Variants in TAF4B observed in about 807,000 individuals in gnomAD.
The protein encoded by TAF4B is transcription initiation factor TFIID subunit 4B.
In TAF4B, 38 loss-of-function variants were observed where a neutral mutation model predicts 86.4. The ratio of observed to expected loss-of-function variants is 0.44; its 90% CI spans 0.34 to 0.58. The LOEUF is 0.58. TAF4B is among the 20% of genes least tolerant of loss of function. The pLI is 0.02. For synonymous variants in TAF4B, 388 were observed against 391.2 expected (o/e 0.99, Z 0.10); for missense variants, 988 against 1,027.6 (o/e 0.96, Z 0.53).
intron 5 of TAF4B, among the ~76,000 whole-genome samples, chr18:26,278,688 C>T (rs2056411950): frequency 6.6e-6 from 1 of 150,900 alleles, no homozygotes; most frequent in South Asian, 2.1e-4. Context: ...TTGCCATTGC[C>T]TTTCTTACCG....
chr18:26,361,885 G>A (rs1455333647), intron 14 of TAF4B, among the ~76,000 whole-genome samples: 2 of 152,074 alleles, frequency 1.3e-5, no homozygotes, highest in Non-Finnish European at 1.5e-5. Flanking sequence ...TATGATATGT[G>A]TAAATATTTT....
At chr18:26,368,410 G>A (rs1198726828) in intron 14 of TAF4B, among the ~76,000 whole-genome samples, 5 of 152,130 alleles carry the variant, frequency 3.3e-5, no homozygotes, top group Admixed American at 3.3e-4. Flanking sequence ...TGTTACAGGT[G>A]ATTCTTCACT....
chr18:26,278,526 T>C (rs1476778824), intron 5 of TAF4B, among the ~76,000 whole-genome samples: 2 of 152,092 alleles, frequency 1.3e-5, no homozygotes, highest in African/African-American at 4.8e-5. Flanking sequence ...CAAGCTAGTT[T>C]CCCAACTCCT....
intron 5 of TAF4B, 112 bp from the exon 6 acceptor site, chr18:26,281,859 T>G: frequency 1.4e-6 from 1 of 695,008 alleles, no homozygotes; most frequent in Non-Finnish European, 2.4e-6. Flanking sequence ...TATATTTAAT[T>G]GACTTTATCA....
chr18:26,313,265 T>G (rs1487080215), intron 9 of TAF4B, among the ~76,000 whole-genome samples: 3 of 152,196 alleles, frequency 2.0e-5, no homozygotes, highest in African/African-American at 7.2e-5. Flanking sequence ...GACTTTTCAT[T>G]TATGTTCACG....
intron 14 of TAF4B, among the ~76,000 whole-genome samples, chr18:26,372,065 C>G (rs1423729677): frequency 1.3e-5 from 2 of 152,062 alleles, no homozygotes; most frequent in African/African-American, 2.4e-5. Context: ...TGCCTCACAA[C>G]GGATCCTGAA....
chr18:26,361,198 C>T (rs759475102), intron 14 of TAF4B, among the ~76,000 whole-genome samples: 1 of 151,880 alleles, frequency 6.6e-6, no homozygotes, highest in African/African-American at 2.4e-5. Flanking sequence ...ACCCGGTAAA[C>T]AATTCTCCAT....
chr18:26,375,315 T>C (rs1490822002), intron 14 of TAF4B, among the ~76,000 whole-genome samples: 2 of 152,214 alleles, frequency 1.3e-5, no homozygotes, highest in Non-Finnish European at 2.9e-5. Flanking sequence ...ATTCATCAGC[T>C]GAAGGACATT....
intron 14 of TAF4B, among the ~76,000 whole-genome samples, chr18:26,358,243 T>G (rs970340099): frequency 6.6e-6 from 1 of 152,200 alleles, no homozygotes; most frequent in African/African-American, 2.4e-5. Context: ...TGGCATTGTT[T>G]CCTTGTATGA....
chr18:26,259,235 T>C (rs2056128951), intron 1 of TAF4B, among the ~76,000 whole-genome samples: 1 of 151,888 alleles, frequency 6.6e-6, no homozygotes, highest in East Asian at 1.9e-4. Context: ...TATGCCTATG[T>C]TGGTGTCTTT....
chr18:26,313,837 T>C (rs1384981315), intron 9 of TAF4B, among the ~76,000 whole-genome samples: 1 of 152,116 alleles, frequency 6.6e-6, no homozygotes, highest in Admixed American at 6.5e-5. Flanking sequence ...GGCTAATTTT[T>C]TTTTGTTTTC....
chr18:26,344,183 A>C (rs1011251952), intron 13 of TAF4B, among the ~76,000 whole-genome samples: 2 of 152,192 alleles, frequency 1.3e-5, no homozygotes, highest in Non-Finnish European at 2.9e-5. Context: ...AAATGACAAG[A>C]GTCAGTTAAC....
intron 9 of TAF4B, among the ~76,000 whole-genome samples, chr18:26,299,438 G>T (rs1291917578): frequency 6.6e-6 from 1 of 151,996 alleles, no homozygotes; most frequent in East Asian, 1.9e-4. Flanking sequence ...TTAATGTTTT[G>T]TAAGGGTTTT....
chr18:26,311,095 T>C (rs2056849901), intron 9 of TAF4B, among the ~76,000 whole-genome samples: 1 of 152,180 alleles, frequency 6.6e-6, no homozygotes, highest in South Asian at 2.1e-4. Flanking sequence ...GGAAAAAAGC[T>C]GCAGTGATAG....
intron 9 of TAF4B, among the ~76,000 whole-genome samples, chr18:26,308,126 C>T (rs113568930): frequency 1.4e-3 from 213 of 152,140 alleles, no homozygotes; most frequent in African/African-American, 4.4e-3. Context: ...TGGTGGCGCA[C>T]GCCTGTAATC....
intron 5 of TAF4B, among the ~76,000 whole-genome samples, chr18:26,277,952 T>G (rs1334671741): frequency 6.6e-6 from 1 of 152,264 alleles, no homozygotes; most frequent in Admixed American, 6.5e-5. Flanking sequence ...TAATTTTGGC[T>G]GGAGAGCTTT....
intron 1 of TAF4B, among the ~76,000 whole-genome samples, chr18:26,246,448 A>G (rs1432374238): frequency 6.6e-6 from 1 of 152,172 alleles, no homozygotes; most frequent in Non-Finnish European, 1.5e-5. Flanking sequence ...GTAGCAACAT[A>G]GGAGAGAACA....
intron 1 of TAF4B, among the ~76,000 whole-genome samples, chr18:26,262,208 G>T (rs2056178651): frequency 6.7e-6 from 1 of 148,166 alleles, no homozygotes; most frequent in African/African-American, 2.5e-5. Flanking sequence ...TGGGATGGGG[G>T]GTGAGGATTG....
chr18:26,365,718 A>G (rs1431034923), intron 14 of TAF4B, among the ~76,000 whole-genome samples: 2 of 152,228 alleles, frequency 1.3e-5, no homozygotes, highest in South Asian at 4.1e-4. Context: ...TTCCAAAGCA[A>G]CAGACTTGTG....
Sources: gnomAD v4.1 joint callset for allele counts (sites outside exome capture counted in the v4.1 genomes callset) on GRCh38, gnomAD v4.1.1 for gene constraint, MANE v1.5 for transcripts, NCBI Gene and HGNC (gene_info 2026-07-23, HGNC 2026-07-21) for gene names.